The following CNOT1 variants were observed in gnomAD, a reference collection of about 807,000 sequenced individuals.
CNOT1 encodes the protein CCR4-NOT transcription complex subunit 1.
In CNOT1, 15 loss-of-function variants were observed where a neutral mutation model predicts 273.8. The ratio of observed to expected loss-of-function variants is 0.05; its 90% CI spans 0.04 to 0.08. The LOEUF is 0.08. Ranked by LOEUF, CNOT1 falls within the 10% of genes least tolerant of loss-of-function variation. The pLI, the probability that CNOT1 is intolerant of heterozygous loss-of-function variation, is 1.00. For missense variants in CNOT1, 1,644 were observed against 2,912.2 expected, an observed-to-expected ratio of 0.56 and a Z score of 10.02; for synonymous variants, 1,022 against 1,005.5, an observed-to-expected ratio of 1.02 and a Z score of -0.31.
chr16:58,530,560 A>G (rs749938838), intron 42 of CNOT1: 1 of 357,602 alleles, frequency 2.8e-6, no homozygotes, highest in East Asian at 4.3e-5. Context: ...AGGCCAGTGG[A>G]TCACTTGAAG....
intron 16 of CNOT1, among the ~76,000 whole-genome samples, chr16:58,568,986 T>A (rs1286259891): frequency 6.6e-6 from 1 of 152,098 alleles, no homozygotes; most frequent in Admixed American, 6.6e-5. Flanking sequence ...AACAAAAAAA[T>A]TACAAGACTT....
intron 1 of CNOT1, among the ~76,000 whole-genome samples, chr16:58,629,040 T>G (rs1302947808): frequency 2.6e-5 from 4 of 152,090 alleles, no homozygotes; most frequent in East Asian, 1.9e-4. Context: ...CCGGACCGAG[T>G]AGGTGGGGGC....
intron 1 of CNOT1, among the ~76,000 whole-genome samples, chr16:58,602,078 A>AT (rs1597570206): frequency 6.7e-6 from 1 of 150,174 alleles, no homozygotes. Flanking sequence ...TTTATTTTTT[A>AT]TTTTTTTGAG....
At chr16:58,548,554 C>A (rs1169512614) in intron 25 of CNOT1, 5 of 519,060 alleles carry the variant, frequency 9.6e-6, no homozygotes, top group Non-Finnish European at 1.9e-5. Context: ...AGCTGTGCAA[C>A]AGAGAGCCAG....
chr16:58,617,822 A>G (rs2043146943), intron 1 of CNOT1, among the ~76,000 whole-genome samples: 1 of 152,194 alleles, frequency 6.6e-6, no homozygotes, highest in African/African-American at 2.4e-5. Flanking sequence ...CTTGGGCAAC[A>G]TAGCAAGACC....
chr16:58,523,489 A>G lies in CNOT1; in HGVS notation c.6798T>C (p.Phe2266=). 6.2e-7 allele frequency: 1 copy of G among 1,614,018 alleles called. No individual in the cohort carries two copies. The highest frequency in any genetic ancestry group is 8.5e-7 in the Non-Finnish European group (1 of 1,179,942). The change falls in exon 47 of 49, where the codon TTT becomes TTC. Residue 2266 remains phenylalanine (F), a synonymous_variant. Transcript: ENST00000317147. ...GGAGCTGATTTGCAATTGCATTCAAAAAGAGATAGCGACCTAGAAATTAAG... is the reference window on the plus strand; with the variant it reads ...GGAGCTGATTTGCAATTGCATTCAAGAAGAGATAGCGACCTAGAAATTAAG... ...VDLDTEGRYL[F]LNAIANQLRY... is the part of the protein sequence containing the mutation.
In CNOT1 at chr16:58,525,185, T is replaced by C. The variant is rs906960729; in HGVS notation, c.6778A>G (p.Thr2260Ala). The C allele has an allele frequency of 6.2e-7, 1 of 1,613,228 alleles. No individual in the cohort carries two copies. Among genetic ancestry groups the C allele is most frequent in the Non-Finnish European group, 8.5e-7 (1 of 1,179,988 alleles). ...IFQNLAVDLDTEGRYLFLNAI... is the reference protein window; with the variant it reads ...IFQNLAVDLDAEGRYLFLNAI... ...ACTGGCAGGCTTCACTCACCCTCAG[T>C]GTCCAAGTCCACAGCCAAATTCTGG... The change falls in exon 46 of 49, where the codon ACT becomes GCT. Residue 2260 changes from threonine to alanine, a missense_variant. Around this residue, in one of 13 missense-constraint regions of CNOT1, gnomAD observed 140 missense variants for 324.6 expected, o/e 0.43. Coordinates refer to ENST00000317147, the MANE Select transcript of CNOT1 (RefSeq NM_016284.5).
In CNOT1 at chr16:58,543,714, G is replaced by C. The variant is rs1270273665; in HGVS notation, c.4327C>G (p.His1443Asp). Reference protein sequence around the residue: ...EESRMRIAAHHMMRNLTAGMA... With the variant: ...EESRMRIAAHDMMRNLTAGMA... ...CCAGCTGTCAAGTTACGCATCATGT[G>C]ATGAGCTGCTATTCGCATTCGAGAT... The change falls in exon 31 of 49, where the codon CAC (histidine) becomes GAC (aspartate). Residue 1443 changes from histidine to aspartate, a missense_variant. Physicochemically the swap from His to Asp is moderately conservative, Grantham distance 81. Coordinates refer to ENST00000317147, the MANE Select transcript of CNOT1 (RefSeq NM_016284.5). The C allele has an allele frequency of 5.6e-6, 9 of 1,614,114 alleles. No individual in the cohort carries two copies. The highest frequency in any genetic ancestry group is 7.6e-6 in the Non-Finnish European group (9 of 1,180,024).
At chr16:58,624,977 G>C (rs1341659122) in intron 1 of CNOT1, among the ~76,000 whole-genome samples, 1 of 151,918 alleles carries the variant, frequency 6.6e-6, no homozygotes, top group Non-Finnish European at 1.5e-5. Flanking sequence ...GGCCAGTATG[G>C]TGGCTCACAT....
intron 2 of CNOT1, among the ~76,000 whole-genome samples, chr16:58,597,281 G>A (rs904853957): frequency 7.3e-5 from 11 of 151,556 alleles, no homozygotes; most frequent in Non-Finnish European, 8.8e-5. Flanking sequence ...CGAGACCAGC[G>A]TGGCCAACAT....
chr16:58,599,144 T>G, intron 2 of CNOT1, 92 bp downstream of exon 2: 9 of 1,556,074 alleles, frequency 5.8e-6, no homozygotes, highest in Non-Finnish European at 7.9e-6. Context: ...GTTAGTTACC[T>G]TTCATGCAAC....
At chr16:58,581,638 A>T in intron 10 of CNOT1, 123 bp from the exon 11 acceptor site, 2 of 1,395,046 alleles carry the variant, frequency 1.4e-6, no homozygotes, top group Non-Finnish European at 1.9e-6. Context: ...TTTTAATGTG[A>T]ATTTTAAGAA....
chr16:58,546,243 G>A lies in CNOT1; in HGVS notation c.4006+78C>T, dbSNP rs1434297184. ...TACATTATGTGGGAAATTATAGTTT[G>A]CGATATACATGGACAAGTACCATTT... On this transcript the variant is annotated intron_variant, in intron 29 of 48. Transcript: ENST00000317147. 7.3e-6 allele frequency: 9 copies of A among 1,224,926 alleles called. No individual in the cohort carries two copies. In the Admixed American group the frequency reaches 1.9e-4, roughly 26 times the overall value. 75.9% of individuals were successfully genotyped at this position (1,224,926 alleles called of 1,614,324 possible). A position where few individuals can be genotyped will look rare whatever the true frequency, so the allele number is the denominator to read the frequency against.
intron 25 of CNOT1, among the ~76,000 whole-genome samples, chr16:58,549,444 T>G (rs544366870): frequency 1.3e-5 from 2 of 152,264 alleles, no homozygotes; most frequent in East Asian, 3.9e-4. Flanking sequence ...ACTATGCTGC[T>G]TATGTATAAC....
Position 58,541,488 on chromosome 16 carries a change from A to G in CNOT1, c.4800+13T>C. On this transcript the variant is annotated intron_variant, in intron 34 of 48. Transcript: ENST00000317147. ...ATTGGCAAAACACTCAATTTAATCTAAAACACATTTACCTTCATGGGCTGG... is the reference window on the plus strand; with the variant it reads ...ATTGGCAAAACACTCAATTTAATCTGAAACACATTTACCTTCATGGGCTGG... 6.2e-7 allele frequency: 1 copy of G among 1,609,850 alleles called. No homozygotes were observed. The highest frequency in any genetic ancestry group is 8.5e-7 in the Non-Finnish European group (1 of 1,178,022).
At chr16:58,545,299 G>C in intron 30 of CNOT1, 62 bp downstream of exon 30, 3 of 1,590,684 alleles carry the variant, frequency 1.9e-6, no homozygotes, top group Non-Finnish European at 2.6e-6. Flanking sequence ...AGAAAAGGTG[G>C]CCAAACAAAA....
At chr16:58,557,185 G>A (rs549229874) in intron 18 of CNOT1, among the ~76,000 whole-genome samples, 192 bp from the exon 19 acceptor site, 5 of 152,132 alleles carry the variant, frequency 3.3e-5, no homozygotes, top group East Asian at 1.9e-4. Context: ...AGGCAGTAAC[G>A]GATAATCCCC....
At chr16:58,554,009 A>C in intron 21 of CNOT1, 149 bp from the exon 22 acceptor site, 1 of 1,145,366 alleles carries the variant, frequency 8.7e-7, no homozygotes, top group African/African-American at 1.6e-5. Context: ...GAAGAAAACA[A>C]AAATAGAAGG....
chr16:58,584,864 A>AC (rs1167395473), intron 8 of CNOT1, among the ~76,000 whole-genome samples: 1 of 152,202 alleles, frequency 6.6e-6, no homozygotes, highest in Non-Finnish European at 1.5e-5. Flanking sequence ...CTTAAGTGCT[A>AC]CTAACAGTGT....
Sources: gnomAD v4.1 joint callset for allele counts (sites outside exome capture counted in the v4.1 genomes callset) on GRCh38, gnomAD v4.1.1 for gene constraint, gnomAD v4.1.1 regional missense constraint, MANE v1.5 for transcripts, NCBI Gene and HGNC (gene_info 2026-07-23, HGNC 2026-07-21) for gene names.